The following MEIKIN variants were observed in gnomAD, a reference collection of about 807,000 sequenced individuals.
The protein encoded by MEIKIN is meiotic kinetochore factor.
intron 11 of MEIKIN, among the ~76,000 whole-genome samples, chr5:131,844,998 C>T (rs560939874): frequency 2.0e-5 from 3 of 152,214 alleles, no homozygotes; most frequent in South Asian, 2.1e-4. Context: ...TGGCTGGGTG[C>T]GGTGGCTCAC....
intron 9 of MEIKIN, among the ~76,000 whole-genome samples, chr5:131,874,604 C>T (rs898373818): frequency 1.3e-5 from 2 of 152,120 alleles, no homozygotes; most frequent in African/African-American, 2.4e-5. Flanking sequence ...GAAACTATTC[C>T]AATCAATAGA....
chr5:131,879,173 A>G (rs1750663271), intron 8 of MEIKIN, 125 bp from the exon 9 acceptor site: 1 of 391,792 alleles, frequency 2.6e-6, no homozygotes, highest in South Asian at 1.4e-4. Flanking sequence ...GATTTTAATG[A>G]CTGCACCTTT....
intron 8 of MEIKIN, among the ~76,000 whole-genome samples, chr5:131,891,151 T>A (rs920099982): frequency 4.6e-5 from 7 of 152,294 alleles, no homozygotes; most frequent in Admixed American, 4.6e-4. Context: ...GTGGTCAATT[T>A]TGGAATAGGT....
chr5:131,926,950 A>G (rs1207467372), intron 5 of MEIKIN, among the ~76,000 whole-genome samples: 1 of 151,082 alleles, frequency 6.6e-6, no homozygotes, highest in Non-Finnish European at 1.5e-5. Flanking sequence ...CAAAAAACCA[A>G]CTCTCAGTTT....
chr5:131,910,069 T>A (rs56801606), intron 8 of MEIKIN, among the ~76,000 whole-genome samples: 3 of 151,998 alleles, frequency 2.0e-5, no homozygotes, highest in Non-Finnish European at 4.4e-5. Flanking sequence ...TACTGCTGAG[T>A]ATATACGCAA....
chr5:131,944,564 T>G, intron 3 of MEIKIN, 101 bp downstream of exon 3: 1 of 397,440 alleles, frequency 2.5e-6, no homozygotes, highest in Admixed American at 4.4e-5. Flanking sequence ...ATGTAACATC[T>G]ACAGAACAAA....
At chr5:131,896,337 G>A (rs919533540) in intron 8 of MEIKIN, among the ~76,000 whole-genome samples, 10 of 152,136 alleles carry the variant, frequency 6.6e-5, no homozygotes, top group Non-Finnish European at 1.3e-4. Flanking sequence ...AGTCCAATGC[G>A]GTGCTGAGAA....
chr5:131,819,556 CA>C (rs1247084442), intron 11 of MEIKIN, among the ~76,000 whole-genome samples: 1 of 151,066 alleles, frequency 6.6e-6, no homozygotes, highest in Admixed American at 6.6e-5. Flanking sequence ...TGTATTTATC[CA>C]GGGCTTCTGT....
At chr5:131,887,449 T>A (rs943991150) in intron 8 of MEIKIN, among the ~76,000 whole-genome samples, 10 of 152,172 alleles carry the variant, frequency 6.6e-5, no homozygotes, top group Admixed American at 3.9e-4. Flanking sequence ...TAATTTACAC[T>A]CCCACCAACA....
At chr5:131,820,486 G>GT (rs1242535995) in intron 11 of MEIKIN, among the ~76,000 whole-genome samples, 2 of 152,066 alleles carry the variant, frequency 1.3e-5, no homozygotes, top group Non-Finnish European at 1.5e-5. Context: ...TTATAATTTT[G>GT]TTTTTTTGAT....
At chr5:131,859,196 T>C (rs1047926132) in intron 9 of MEIKIN, among the ~76,000 whole-genome samples, 1 of 152,234 alleles carries the variant, frequency 6.6e-6, no homozygotes, top group Admixed American at 6.5e-5. Flanking sequence ...AATGGTAGAC[T>C]GGATAAAGAA....
chr5:131,940,923 C>A (rs17165312), intron 4 of MEIKIN, among the ~76,000 whole-genome samples: 2,685 of 152,216 alleles, frequency 0.018, 55 homozygotes, highest in African/African-American at 0.046. Context: ...TTACTTCAGA[C>A]TCTCCTCTGT....
intron 8 of MEIKIN, among the ~76,000 whole-genome samples, chr5:131,894,690 G>A (rs145447508): frequency 0.019 from 2,869 of 152,058 alleles, 41 homozygotes; most frequent in Non-Finnish European, 0.029. Flanking sequence ...TCATGATTTG[G>A]CTCCCTGTTT....
rs575818560 is a variant in MEIKIN, at chr5:131,864,864, G to C, written c.775-10030C>G. ...GGGATATCAACACTTTGAATATCTG[G>C]TCACTTGATAGTGTTCCATAGTTAT... On this transcript the variant is annotated intron_variant, in intron 9 of 12. Transcript: ENST00000442687. Among the ~76,000 whole-genome samples the C allele has an allele frequency of 1.3e-4, 20 of 152,168 alleles. No individual in the cohort carries two copies. In the South Asian group the frequency reaches 4.2e-3, roughly 32 times the overall value.
intron 11 of MEIKIN, among the ~76,000 whole-genome samples, chr5:131,820,824 A>G (rs1426099630): frequency 6.6e-6 from 1 of 152,166 alleles, no homozygotes; most frequent in Non-Finnish European, 1.5e-5. Context: ...GTGGACACTA[A>G]TGATCCTTTG....
chr5:131,864,646 G>C (rs1418351883), intron 9 of MEIKIN, among the ~76,000 whole-genome samples: 1 of 152,120 alleles, frequency 6.6e-6, no homozygotes, highest in Non-Finnish European at 1.5e-5. Context: ...GCTGCTTTTA[G>C]AATTCTCTGT....
At position 131,912,957 on chromosome 5, in the gene MEIKIN, T is replaced by G. The variant is rs550606341; in HGVS notation, c.639-1078A>C. 1.3e-4 allele frequency among the ~76,000 whole-genome samples: 20 copies of G among 152,348 alleles called. No individual in the cohort carries two copies. In the South Asian group the frequency reaches 3.3e-3, roughly 25 times the overall value. ...TTGGAAACTACACTTTGGGTTCCTC[T>G]GGCAGTGAATTATAGGAAAGGAGTT... is the stretch of plus-strand genomic sequence containing the variant. On this transcript the variant is annotated intron_variant, in intron 7 of 12. Transcript: ENST00000442687.
At position 131,818,850 on chromosome 5, in the gene MEIKIN, G is replaced by A. The variant is rs1749420788; in HGVS notation, c.989C>T (p.Ala330Val). 2.5e-6 allele frequency: 1 copy of A among 397,620 alleles called. No individual in the cohort carries two copies. Among genetic ancestry groups the A allele is most frequent in the Non-Finnish European group, 4.4e-6 (1 of 225,646 alleles). The allele number at this position is 397,620 out of a possible 1,614,324, so 24.6% of individuals were successfully genotyped here. A position where few individuals can be genotyped will look rare whatever the true frequency, so the allele number is the denominator to read the frequency against. ...ENSSNEFPANASEICCIIRTS... is the reference protein window; with the variant it reads ...ENSSNEFPANVSEICCIIRTS... ...TCTAATAATACAACATATTTCTGATGCATTTGCAGGAAACTGGAAAAGAAA... is the reference window on the plus strand; with the variant it reads ...TCTAATAATACAACATATTTCTGATACATTTGCAGGAAACTGGAAAAGAAA... Residue 330 changes from alanine to valine, a missense_variant, in exon 12 of 13, where the codon GCA becomes GTA. By Grantham distance (64) the Ala-to-Val change is moderately conservative. Transcript: ENST00000442687.
At chr5:131,937,108 A>G (rs1030622032) in intron 4 of MEIKIN, among the ~76,000 whole-genome samples, 1 of 152,116 alleles carries the variant, frequency 6.6e-6, no homozygotes, top group South Asian at 2.1e-4. Flanking sequence ...AGAAATTCAC[A>G]TATTTCCTGT....
Sources: allele counts gnomAD v4.1 joint callset (sites outside exome capture counted in the v4.1 genomes callset), GRCh38; gene constraint gnomAD v4.1.1; transcripts MANE v1.5; gene names NCBI Gene and HGNC (gene_info 2026-07-23, HGNC 2026-07-21).